The following GC variants were observed in gnomAD, a reference collection of about 807,000 sequenced individuals.
GC encodes the protein vitamin D-binding protein.
In GC, 43 loss-of-function variants were observed where a neutral mutation model predicts 56.7. The ratio of observed to expected loss-of-function variants is 0.76; its 90% confidence interval spans 0.59 to 0.98. GC has a LOEUF of 0.98. Ranked by LOEUF, GC falls within the 50% of genes least tolerant of loss-of-function variation. The pLI, the probability that GC is intolerant of heterozygous loss-of-function variation, is 0.00. For synonymous variants in GC, 216 were observed against 202.7 expected (o/e 1.07, Z -0.56); for missense variants, 529 against 545.9 (o/e 0.97, Z 0.31).
intron 1 of GC, among the ~76,000 whole-genome samples, chr4:71,773,507 T>G (rs533654958): frequency 6.6e-6 from 1 of 152,080 alleles, no homozygotes; most frequent in African/African-American, 2.4e-5. Flanking sequence ...GAACTTACAA[T>G]GGAACCCAAA....
chr4:71,784,234 A>G (rs2149307179), upstream of GC: 4 of 1,248,914 alleles, frequency 3.2e-6, no homozygotes, highest in African/African-American at 3.1e-5. Context: ...ATCAAGGTAA[A>G]TAGACACCCT....
chr4:71,755,003 T>G lies in GC; in HGVS notation c.1139A>C (p.Asp380Ala). Residue 380 changes from aspartate to alanine, a missense_variant, in exon 9 of 13, where the codon GAC becomes GCC. Coordinates refer to ENST00000273951, the MANE Select transcript of GC (RefSeq NM_000583.4). ...CTTAGCATTAAAACAGGTAGTTGAG[T>G]CTTCAACATCACAGCATTCACCAAG... is the stretch of plus-strand genomic sequence containing the variant. Reference protein sequence around the residue: ...KSLGECCDVEDSTTCFNAKGP... With the variant: ...KSLGECCDVEASTTCFNAKGP... The G allele has an allele frequency of 6.3e-7, 1 of 1,593,892 alleles. No individual in the cohort carries two copies. Among genetic ancestry groups the G allele is most frequent in the Non-Finnish European group, 8.5e-7 (1 of 1,172,808 alleles).
At chr4:71,804,109 A>G (rs1743309398), upstream of GC, 13 of 652,582 alleles carry the variant, frequency 2.0e-5, no homozygotes, top group South Asian at 1.9e-4. Flanking sequence ...GCTTAATTAT[A>G]TGCCAGGTCT....
chr4:71,755,854 C>T (rs996963190), intron 8 of GC, among the ~76,000 whole-genome samples: 2 of 152,168 alleles, frequency 1.3e-5, no homozygotes, highest in Non-Finnish European at 1.5e-5. Flanking sequence ...AAAAGCAATA[C>T]ACATTTAGAA....
intron 11 of GC, among the ~76,000 whole-genome samples, chr4:71,748,392 C>A (rs1741443953): frequency 6.6e-6 from 1 of 151,980 alleles, no homozygotes; most frequent in African/African-American, 2.4e-5. Context: ...CCGGCTTCCA[C>A]TTGGCTATTT....
At chr4:71,752,489 A>C (rs1306612744) in intron 11 of GC, 29 bp downstream of exon 11, 2 of 1,589,826 alleles carry the variant, frequency 1.3e-6, no homozygotes, top group South Asian at 2.2e-5. Flanking sequence ...AGATTCTGCC[A>C]TGTTAAGTGG....
Position 71,791,092 on chromosome 4 carries a change from C to A in GC, c.22-7038G>T, listed in dbSNP as rs184144651. Among the ~76,000 whole-genome samples, 186 of 152,134 alleles carry A rather than the reference C, an allele frequency of 1.2e-3. 1 individual carries two copies. Among genetic ancestry groups the A allele is most frequent in the African/African-American group, 4.3e-3 (178 of 41,538 alleles). On this transcript the variant is annotated intron_variant, in intron 1 of 13. Transcript: ENST00000504199. ...AATGCAATTCACTTTCTATTTTATA[C>A]CTGACAGTTTTTTCTTCACATTTTC...
At chr4:71,799,045 A>G (rs960427582) in intron 1 of GC, among the ~76,000 whole-genome samples, 4 of 152,180 alleles carry the variant, frequency 2.6e-5, no homozygotes, top group Non-Finnish European at 5.9e-5. Context: ...ATTATGCCCA[A>G]AAGAAACCCC....
chr4:71,752,614 G>A lies in GC; in HGVS notation c.1299C>T (p.Ala433=), dbSNP rs1167475783. The change falls in exon 11 of 13, where the codon GCC becomes GCT. Residue 433 remains alanine (A), a synonymous_variant. Coordinates refer to ENST00000273951, the MANE Select transcript of GC (RefSeq NM_000583.4). ...AERLKAKLPD[A]TPTELAKLVN... ...CCAGCTTTGCCAGTTCCGTGGGTGT[G>A]GCATCAGGCAATTTTGCTTTTAGTC... The A allele has an allele frequency of 4.3e-6, 7 of 1,613,368 alleles. No individual in the cohort carries two copies. The Admixed American group carries it at 5.0e-5, about 12-fold the overall frequency.
Position 71,741,698 on chromosome 4 carries a change from G to T in GC, c.*198C>A, listed in dbSNP as rs1389654753. On this transcript the variant is annotated 3_prime_UTR_variant, in exon 13 of 13. Transcript: ENST00000273951. Reference sequence around the variant, plus strand: ...CCACATAATTCTCAGTCATATTTATGGTTTGCATTATATTTCAATTTATTT... The same window carrying T: ...CCACATAATTCTCAGTCATATTTATTGTTTGCATTATATTTCAATTTATTT... The T allele has an allele frequency of 1.5e-6, 1 of 649,914 alleles. No individual in the cohort carries two copies. The highest frequency in any genetic ancestry group is 2.8e-6 in the Non-Finnish European group (1 of 361,952). 40.3% of individuals were successfully genotyped at this position (649,914 alleles called of 1,614,324 possible).
At chr4:71,746,280 T>C (rs1415406654) in intron 11 of GC, 75 bp from the exon 12 acceptor site, 2 of 680,788 alleles carry the variant, frequency 2.9e-6, no homozygotes, top group South Asian at 2.0e-5. Context: ...GCAGAAGGTA[T>C]ACAAAATCTT....
intron 1 of GC, among the ~76,000 whole-genome samples, chr4:71,774,477 C>T (rs1742442708): frequency 6.7e-6 from 1 of 150,036 alleles, no homozygotes; most frequent in Non-Finnish European, 1.5e-5. Context: ...ACCTCCTCAT[C>T]TGTAATTGCT....
chr4:71,768,003 T>A (rs1742212482), intron 3 of GC, among the ~76,000 whole-genome samples: 1 of 152,102 alleles, frequency 6.6e-6, no homozygotes, highest in Admixed American at 6.6e-5. Context: ...AAAACTTAGG[T>A]TTTAGAGTCA....
intron 12 of GC, among the ~76,000 whole-genome samples, chr4:71,745,496 A>G (rs1269409340): frequency 1.3e-5 from 2 of 152,196 alleles, no homozygotes; most frequent in Non-Finnish European, 2.9e-5. Flanking sequence ...AGTTCAGCTA[A>G]GAACTGAGAT....
At chr4:71,750,117 C>G (rs1324255968) in intron 11 of GC, among the ~76,000 whole-genome samples, 1 of 152,104 alleles carries the variant, frequency 6.6e-6, no homozygotes, top group East Asian at 1.9e-4. Context: ...TAGCCCAAGA[C>G]TTTAAAAAAA....
chr4:71,769,645 CGTAA>C lies in GC; in HGVS notation c.59-249_59-246del, dbSNP rs563058475. ...AAGGAGAGAGTAAACTAATACTGAACGTAAGTGAGTCAAATGATACATGTCAACT... is the reference window on the plus strand; with the variant it reads ...AAGGAGAGAGTAAACTAATACTGAACGTGAGTCAAATGATACATGTCAACT... On this transcript the variant is annotated intron_variant, in intron 1 of 12. Transcript: ENST00000273951. 82 of 392,940 alleles carry C rather than the reference CGTAA, an allele frequency of 2.1e-4. No individual in the cohort carries two copies. The East Asian group carries it at 3.5e-3, about 17-fold the overall frequency. The allele number at this position is 392,940 out of a possible 1,614,324, so 24.3% of individuals were successfully genotyped here. A position where few individuals can be genotyped will look rare whatever the true frequency, so the allele number is the denominator to read the frequency against.
chr4:71,743,503 G>C (rs891934158), intron 12 of GC, among the ~76,000 whole-genome samples: 22 of 152,284 alleles, frequency 1.4e-4, no homozygotes, highest in African/African-American at 4.8e-4. Context: ...TGGATTTAGA[G>C]CAACTCATGA....
chr4:71,760,066 G>A (rs867072794), intron 6 of GC, among the ~76,000 whole-genome samples: 12 of 147,750 alleles, frequency 8.1e-5, no homozygotes, highest in African/African-American at 2.3e-4. Context: ...TTTTTGAGAC[G>A]GAGTCTCGCT....
At chr4:71,777,705 G>A (rs146626039) in intron 1 of GC, among the ~76,000 whole-genome samples, 1 of 150,992 alleles carries the variant, frequency 6.6e-6, no homozygotes, top group Non-Finnish European at 1.5e-5. Flanking sequence ...ATTTACTTTC[G>A]TGTAGTAAAA....
Sources: gnomAD v4.1 joint callset for allele counts (sites outside exome capture counted in the v4.1 genomes callset) on GRCh38, gnomAD v4.1.1 for gene constraint, MANE v1.5 for transcripts, NCBI Gene and HGNC (gene_info 2026-07-23, HGNC 2026-07-21) for gene names.